Variants in VPS13B observed in about 807,000 individuals in gnomAD.
VPS13B encodes the protein intermembrane lipid transfer protein VPS13B.
Under a neutral mutation model 426.4 loss-of-function variants are expected in VPS13B, and 285 were observed. That is an observed-to-expected ratio of 0.67 (90% CI 0.61 to 0.74). The LOEUF (loss-of-function observed/expected upper bound fraction) is 0.74. Among genes scored for constraint, VPS13B ranks in the 30% least tolerant of loss-of-function variants. VPS13B has a pLI of 0.00. For synonymous variants in VPS13B, 1,676 were observed against 1,676.4 expected, an observed-to-expected ratio of 1.00 and a Z score of 0.01; for missense variants, 4,537 against 4,782.6, an observed-to-expected ratio of 0.95 and a Z score of 1.51.
intron 21 of VPS13B, chr8:99,429,754 G>A (rs1229890734): frequency 6.6e-6 from 1 of 152,074 alleles, no homozygotes; most frequent in Non-Finnish European, 1.5e-5. Flanking sequence ...TTTCAACACT[G>A]GATACATGTA....
At chr8:99,873,612 T>A (rs1817545116) in intron 61 of VPS13B, among the ~76,000 whole-genome samples, 1 of 152,186 alleles carries the variant, frequency 6.6e-6, no homozygotes, top group Non-Finnish European at 1.5e-5. Context: ...TATTCCACTT[T>A]CTCTCTCCTG....
At chr8:99,647,824 A>G (rs1829653207) in intron 34 of VPS13B, among the ~76,000 whole-genome samples, 1 of 152,194 alleles carries the variant, frequency 6.6e-6, no homozygotes, top group African/African-American at 2.4e-5. Flanking sequence ...GGCATTATTC[A>G]TTATTAAAGT....
At chr8:99,301,230 T>C (rs1021288530) in intron 19 of VPS13B, among the ~76,000 whole-genome samples, 1 of 152,032 alleles carries the variant, frequency 6.6e-6, no homozygotes, top group Non-Finnish European at 1.5e-5. Context: ...AAAAATTTTT[T>C]TTAACTTTTA....
intron 22 of VPS13B, 122 bp from the exon 23 acceptor site, chr8:99,442,279 G>T (rs1817713428): frequency 1.2e-6 from 1 of 809,732 alleles, no homozygotes; most frequent in African/African-American, 1.7e-5. Context: ...GTGAAAATAA[G>T]TCATAAAGAC....
chr8:99,556,710 T>C (rs1474646842), intron 31 of VPS13B, 57 bp downstream of exon 31: 1 of 1,572,110 alleles, frequency 6.4e-7, no homozygotes, highest in Non-Finnish European at 8.7e-7. Flanking sequence ...CCAGAATAGT[T>C]GGTGATACAA....
chr8:99,217,868 A>G (rs1815475211), intron 17 of VPS13B, among the ~76,000 whole-genome samples: 1 of 152,196 alleles, frequency 6.6e-6, no homozygotes, highest in African/African-American at 2.4e-5. Flanking sequence ...ACAATGCCAG[A>G]CTTGAGTACT....
intron 5 of VPS13B, among the ~76,000 whole-genome samples, chr8:99,107,214 G>A (rs1847094792): frequency 1.3e-5 from 2 of 152,118 alleles, no homozygotes; most frequent in South Asian, 4.1e-4. Context: ...GGGTAAAAAG[G>A]CAAGCCACAG....
intron 21 of VPS13B, among the ~76,000 whole-genome samples, chr8:99,421,863 G>A (rs1291298427): frequency 1.3e-5 from 2 of 151,866 alleles, no homozygotes; most frequent in African/African-American, 4.8e-5. Context: ...ATATTTTTTG[G>A]TAGAGACAAG....
chr8:99,560,782 A>G (rs865913871), intron 31 of VPS13B, among the ~76,000 whole-genome samples: 5 of 152,356 alleles, frequency 3.3e-5, no homozygotes, highest in Middle Eastern at 3.4e-3. Flanking sequence ...ATCACATGAT[A>G]GCATCCAGCT....
intron 43 of VPS13B, among the ~76,000 whole-genome samples, chr8:99,790,492 A>G (rs915573143): frequency 6.6e-6 from 1 of 152,214 alleles, no homozygotes. Flanking sequence ...GTAAAAAATT[A>G]TTATAGACAT....
At chr8:99,713,197 T>G (rs185114140) in intron 36 of VPS13B, among the ~76,000 whole-genome samples, 253 of 152,356 alleles carry the variant, frequency 1.7e-3, no homozygotes, top group African/African-American at 5.3e-3. Flanking sequence ...CTTTTTTAAA[T>G]GAAAGCCACT....
At chr8:99,608,405 A>G (rs1453491848) in intron 33 of VPS13B, among the ~76,000 whole-genome samples, 1 of 151,786 alleles carries the variant, frequency 6.6e-6, no homozygotes, top group Non-Finnish European at 1.5e-5. Flanking sequence ...CCTCCTCCCA[A>G]AGTGCTAGAA....
intron 2 of VPS13B, among the ~76,000 whole-genome samples, chr8:99,028,960 A>AG (rs1842334990): frequency 7.0e-6 from 1 of 143,534 alleles, no homozygotes; most frequent in South Asian, 2.3e-4. Context: ...TGCCGGACGG[A>AG]GGGGCTCCTC....
chr8:99,315,598 A>G (rs1232170815), intron 19 of VPS13B, among the ~76,000 whole-genome samples: 8 of 149,056 alleles, frequency 5.4e-5, no homozygotes, highest in Middle Eastern at 3.5e-3. Context: ...GAGCTTCTTT[A>G]TAATCAATAT....
At chr8:99,793,262 T>C (rs1812649661) in intron 43 of VPS13B, among the ~76,000 whole-genome samples, 1 of 142,544 alleles carries the variant, frequency 7.0e-6, no homozygotes, top group South Asian at 2.2e-4. Flanking sequence ...TCCATATATA[T>C]ATATATATAT....
intron 15 of VPS13B, among the ~76,000 whole-genome samples, chr8:99,165,654 A>C (rs1043491376): frequency 1.3e-5 from 2 of 152,218 alleles, no homozygotes; most frequent in Non-Finnish European, 2.9e-5. Flanking sequence ...TTTGGAGGAA[A>C]TAATGTTTTC....
In VPS13B at chr8:99,078,032, T is replaced by C. The variant is rs184851546; in HGVS notation, c.292-18280T>C. On this transcript the variant is annotated intron_variant, in intron 3 of 61. Transcript: ENST00000357162. ...TTTCAGTTATGGGATTTTGTTTGGT[T>C]GTTTTTTTAATGACATCTATCTCTT... Among the ~76,000 whole-genome samples, 317 of 152,230 alleles carry C rather than the reference T, an allele frequency of 2.1e-3. 1 individual carries two copies. Among genetic ancestry groups the C allele is most frequent in the Non-Finnish European group, 3.0e-3 (206 of 68,014 alleles).
chr8:99,156,465 C>G, intron 14 of VPS13B, 84 bp from the exon 15 acceptor site: 1 of 1,330,446 alleles, frequency 7.5e-7, no homozygotes, highest in African/African-American at 1.4e-5. Context: ...TGCAAATGTG[C>G]AGATCTGAAG....
chr8:99,539,479 C>T (rs78726387), intron 30 of VPS13B, among the ~76,000 whole-genome samples: 8,802 of 152,220 alleles, frequency 0.058, 333 homozygotes, highest in African/African-American at 0.1. Context: ...AGTGCCATGG[C>T]TCATGCCTGT....
Sources: gnomAD v4.1 joint callset for allele counts (sites outside exome capture counted in the v4.1 genomes callset) on GRCh38, gnomAD v4.1.1 for gene constraint, MANE v1.5 for transcripts, NCBI Gene and HGNC (gene_info 2026-07-23, HGNC 2026-07-21) for gene names.